SMARCD3: variants seen among roughly 807,000 people sequenced by gnomAD.
The protein encoded by SMARCD3 is SWI/SNF-related matrix-associated actin-dependent regulator of chromatin subfamily D member 3.
Under a neutral mutation model 58.0 loss-of-function variants are expected in SMARCD3, and 14 were observed. The observed-to-expected ratio is 0.24, with a 90% CI of 0.16 to 0.38. The LOEUF is 0.38. Ranked by LOEUF, SMARCD3 falls within the 10% of genes least tolerant of loss-of-function variation. The pLI is 1.00. For missense variants in SMARCD3, 408 were observed against 636.9 expected (o/e 0.64, Z 3.87); for synonymous variants, 253 against 253.8 (o/e 1.00, Z 0.03).
intron 2 of SMARCD3, among the ~76,000 whole-genome samples, chr7:151,268,807 T>C (rs1795072136): frequency 6.6e-6 from 1 of 152,170 alleles, no homozygotes. Flanking sequence ...TCTCGCTTTG[T>C]TGCCCAGGCT....
rs890125111 is a variant in SMARCD3 at position 151,238,902 on chromosome 7, T to C, written c.*201A>G. ...TGGGGAGTCGTCCCGAGGGACCCAC[T>C]GCCTCCCCACCTTCTTCCCTTCCCC... On this transcript the variant is annotated 3_prime_UTR_variant, in exon 13 of 13. Transcript: ENST00000262188. The C allele has an allele frequency of 2.6e-6, 3 of 1,152,770 alleles. No individual in the cohort carries two copies. Among genetic ancestry groups the C allele is most frequent in the African/African-American group, 3.1e-5 (2 of 65,550 alleles). 71.4% of individuals were successfully genotyped at this position (1,152,770 alleles called of 1,614,324 possible).
chr7:151,247,628 T>C (rs920107830), intron 1 of SMARCD3, among the ~76,000 whole-genome samples: 1 of 152,102 alleles, frequency 6.6e-6, no homozygotes, highest in Non-Finnish European at 1.5e-5. Flanking sequence ...CAGCTTCCTC[T>C]ACACAGGGCC....
In SMARCD3 at chr7:151,241,315, C is replaced by T. The variant is rs2150590708; in HGVS notation, c.939+177G>A. ...TTGGCTGCAGCACAGAGCTAATCCA[C>T]AGTAGGGCCTGAACTAGAATCCTGG... On this transcript the variant is annotated intron_variant, in intron 8 of 12. Coordinates refer to ENST00000262188, the MANE Select transcript of SMARCD3 (RefSeq NM_001003801.2). The surrounding 1 kb of genome is among the most constrained non-coding windows in gnomAD (Gnocchi z 5.3). 1 of 685,794 alleles carries T rather than the reference C, an allele frequency of 1.5e-6. No individual in the cohort carries two copies. The highest frequency in any genetic ancestry group is 2.6e-6 in the Non-Finnish European group (1 of 379,996). The allele number at this position is 685,794 out of a possible 1,614,324, so 42.5% of individuals were successfully genotyped here.
At position 151,264,162 on chromosome 7, in the gene SMARCD3, G is replaced by A. The variant is rs542227035; in HGVS notation, c.39+10952C>T. On this transcript the variant is annotated intron_variant, in intron 2 of 13. Transcript: ENST00000356800. The stretch of plus-strand genomic sequence containing the variant: ...CAACCTCTGCCTCCCGGGTTCAAGC[G>A]ATTCTCCTGCCTCAGCCTCCCAAGT... Among the ~76,000 whole-genome samples, 4 of 151,496 alleles carry A rather than the reference G, an allele frequency of 2.6e-5. No individual in the cohort carries two copies. In the South Asian group the frequency reaches 6.3e-4, roughly 24 times the overall value.
At chr7:151,262,491 C>G (rs1014792734) in intron 2 of SMARCD3, among the ~76,000 whole-genome samples, 10 of 152,238 alleles carry the variant, frequency 6.6e-5, no homozygotes, top group Admixed American at 3.3e-4. Flanking sequence ...CCTCCTCCCA[C>G]CCCATGTGCT....
At chr7:151,255,261 G>A (rs1803663430) in intron 2 of SMARCD3, among the ~76,000 whole-genome samples, 1 of 152,094 alleles carries the variant, frequency 6.6e-6, no homozygotes, top group Non-Finnish European at 1.5e-5. Context: ...CTACTGTGTT[G>A]TCTGTCCTAA....
Position 151,275,252 on chromosome 7 carries a change from C to A in SMARCD3, c.-99-1G>T. 1 of 1,031,042 alleles carries A rather than the reference C, an allele frequency of 9.7e-7. No individual in the cohort carries two copies. Among genetic ancestry groups the A allele is most frequent in the Admixed American group, 2.0e-5 (1 of 50,598 alleles). 63.9% of individuals were successfully genotyped at this position (1,031,042 alleles called of 1,614,324 possible). Reference sequence around the variant, plus strand: ...CAGCACCAAGGGCCATTCTGAGGATCTGAAAGGAGAGGTCAGACCCTGAGC... The same window carrying A: ...CAGCACCAAGGGCCATTCTGAGGATATGAAAGGAGAGGTCAGACCCTGAGC... On this transcript the variant is annotated splice_acceptor_variant, in intron 1 of 13. Transcript: ENST00000356800. LOFTEE classifies it low-confidence loss of function (5UTR_SPLICE).
upstream of SMARCD3, among the ~76,000 whole-genome samples, chr7:151,252,420 AGTGT>A (rs544394645): frequency 7.4e-6 from 1 of 134,896 alleles, no homozygotes; most frequent in African/African-American, 2.6e-5. Flanking sequence ...GGCCTGAGTG[AGTGT>A]GTGTGTGTGT....
At chr7:151,240,555 C>G (rs1328450644) in intron 8 of SMARCD3, 33 bp from the exon 9 acceptor site, 1 of 1,471,746 alleles carries the variant, frequency 6.8e-7, no homozygotes, top group African/African-American at 1.4e-5. Context: ...AGAGAGATCA[C>G]TCTTCTTGAA....
upstream of SMARCD3, among the ~76,000 whole-genome samples, chr7:151,252,217 C>T (rs1803544116): frequency 6.6e-6 from 1 of 151,978 alleles, no homozygotes; most frequent in Non-Finnish European, 1.5e-5. Flanking sequence ...GAGCGGGGAA[C>T]ATGGAAGAAG....
chr7:151,262,275 T>C (rs986556138), intron 2 of SMARCD3, among the ~76,000 whole-genome samples: 5 of 151,860 alleles, frequency 3.3e-5, no homozygotes, highest in African/African-American at 1.2e-4. Flanking sequence ...AGAGACAAGG[T>C]CTTGCTACAT....
At chr7:151,258,927 G>GC (rs1803803717) in intron 2 of SMARCD3, among the ~76,000 whole-genome samples, 1 of 151,902 alleles carries the variant, frequency 6.6e-6, no homozygotes, top group African/African-American at 2.4e-5. Context: ...ATTAAAAACT[G>GC]CAAGCCCTCT....
At chr7:151,253,939 ACTCTC>A (rs1803616100) in intron 2 of SMARCD3, among the ~76,000 whole-genome samples, 1 of 149,812 alleles carries the variant, frequency 6.7e-6, no homozygotes, top group Admixed American at 6.6e-5. Flanking sequence ...AACCATCCTC[ACTCTC>A]CTCTCCTCTC....
chr7:151,258,555 ACT>A (rs1365999120), intron 2 of SMARCD3, among the ~76,000 whole-genome samples: 1 of 136,342 alleles, frequency 7.3e-6, no homozygotes, highest in East Asian at 2.3e-4. Context: ...ACAGAGTGAG[ACT>A]CTGCCTAAAA....
At chr7:151,269,376 GC>G (rs1406813223) in intron 2 of SMARCD3, among the ~76,000 whole-genome samples, 6 of 152,204 alleles carry the variant, frequency 3.9e-5, no homozygotes, top group Non-Finnish European at 8.8e-5. Flanking sequence ...GGATTCAGCT[GC>G]CGGCCCACCC....
At chr7:151,275,175 G>A in exon 2 of SMARCD3, 1 of 1,609,212 alleles carries the variant, frequency 6.2e-7, no homozygotes, top group Non-Finnish European at 8.5e-7. Context: ...CCTGCACCTG[G>A]AGAGTCATCC....
intron 2 of SMARCD3, among the ~76,000 whole-genome samples, chr7:151,270,980 C>T (rs1450977099): frequency 6.6e-6 from 1 of 152,160 alleles, no homozygotes; most frequent in East Asian, 1.9e-4. Flanking sequence ...TGGACTTGGT[C>T]ACTTCAGGTC....
At position 151,241,758 on chromosome 7, in the gene SMARCD3, C is replaced by G; in HGVS notation, c.778-105G>C. ...GGATGTGTTGATTGAGGAAACATGC[C>G]CCTGGGGAAGGATAGGTTTGGGAGG... On this transcript the variant is annotated intron_variant, in intron 7 of 12. Transcript: ENST00000262188. This position sits in a 1 kb window ranked among gnomAD's most constrained non-coding sequence, Gnocchi z 5.3. The G allele has an allele frequency of 7.2e-7, 1 of 1,388,404 alleles. No homozygotes were observed. Among genetic ancestry groups the G allele is most frequent in the Middle Eastern group, 1.7e-4 (1 of 5,718 alleles). The allele number at this position is 1,388,404 out of a possible 1,614,324, so 86.0% of individuals were successfully genotyped here.
chr7:151,262,810 G>A (rs767977398), intron 2 of SMARCD3, among the ~76,000 whole-genome samples: 1 of 152,232 alleles, frequency 6.6e-6, no homozygotes, highest in Non-Finnish European at 1.5e-5. Flanking sequence ...GGCTGGCATG[G>A]GGTGCTGTGG....
Sources: gnomAD v4.1 joint callset for allele counts (sites outside exome capture counted in the v4.1 genomes callset) on GRCh38, gnomAD v4.1.1 for gene constraint, Gnocchi (gnomAD v3.1) non-coding constraint, MANE v1.5 for transcripts, NCBI Gene and HGNC (gene_info 2026-07-23, HGNC 2026-07-21) for gene names.